JAK1: variants seen among roughly 807,000 people sequenced by gnomAD.
JAK1 encodes the protein tyrosine-protein kinase JAK1.
Under a neutral mutation model 136.6 loss-of-function variants are expected in JAK1, and 16 were observed. The observed-to-expected ratio is 0.12, with a 90% CI of 0.08 to 0.18. The LOEUF (loss-of-function observed/expected upper bound fraction) is 0.18. Among genes scored for constraint, JAK1 ranks in the 10% least tolerant of loss-of-function variants. The probability of loss-of-function intolerance (pLI) is 1.00; values close to 1 mark genes in which losing one functional copy is unlikely to be tolerated. For synonymous variants in JAK1, 492 were observed against 519.5 expected (o/e 0.95, Z 0.72); for missense variants, 859 against 1,450.1 (o/e 0.59, Z 6.62).
intron 1 of JAK1, among the ~76,000 whole-genome samples, chr1:64,922,597 C>T (rs1391784799): frequency 7.2e-5 from 11 of 152,096 alleles, no homozygotes; most frequent in Admixed American, 7.2e-4. Flanking sequence ...TTGTTGAATG[C>T]TTTAAGGTGC....
intron 5 of JAK1, among the ~76,000 whole-genome samples, chr1:64,873,060 C>T (rs1186519678): frequency 1.3e-5 from 2 of 152,096 alleles, no homozygotes; most frequent in African/African-American, 4.8e-5. Flanking sequence ...AGCAGAGCTT[C>T]CCTCTGACCT....
intron 10 of JAK1, among the ~76,000 whole-genome samples, chr1:64,856,699 G>C (rs1655959939): frequency 6.6e-6 from 1 of 152,170 alleles, no homozygotes; most frequent in African/African-American, 2.4e-5. Context: ...CAGGCTCTGA[G>C]CCACGGAGCC....
At chr1:64,983,034 C>G (rs542020197) in intron 2 of JAK1, among the ~76,000 whole-genome samples, 1 of 152,172 alleles carries the variant, frequency 6.6e-6, no homozygotes, top group Admixed American at 6.5e-5. Flanking sequence ...ACAGTGAGAA[C>G]TGAGAACCAA....
In JAK1 at chr1:64,845,561, T is replaced by C. The variant is rs374267130; in HGVS notation, c.2067A>G (p.Pro689=). 41 of 1,614,050 alleles carry C rather than the reference T, an allele frequency of 2.5e-5. No individual in the cohort carries two copies. Among genetic ancestry groups the C allele is most frequent in the African/African-American group, 2.0e-4 (15 of 74,916 alleles). ...MHRKSDVLTT[P]WKFKVAKQLA... is the part of the protein sequence containing the mutation. ...GCTGTTTGGCAACTTTGAATTTCCA[T>C]GGTGTGGTAAGGACATCGCTTTTCC... The change falls in exon 15 of 25, where the codon CCA becomes CCG. Residue 689 remains proline, a synonymous_variant. Transcript: ENST00000342505.
At chr1:64,982,729 G>GT (rs1646560042) in intron 2 of JAK1, among the ~76,000 whole-genome samples, 1 of 151,792 alleles carries the variant, frequency 6.6e-6, no homozygotes, top group African/African-American at 2.4e-5. Context: ...TTAAATCTCA[G>GT]TTTTTTAATC....
intron 1 of JAK1, among the ~76,000 whole-genome samples, chr1:64,925,250 T>C (rs913130147): frequency 1.2e-4 from 16 of 131,358 alleles, no homozygotes; most frequent in African/African-American, 4.2e-4. Context: ...AAAAAAAAAA[T>C]ACAAAAAGTT....
At chr1:64,993,057 T>C (rs1344575537) in intron 2 of JAK1, 2 of 152,242 alleles carry the variant, frequency 1.3e-5, no homozygotes, top group Non-Finnish European at 1.5e-5. Flanking sequence ...AAAGGTATTA[T>C]TGGTGGACCA....
rs574747659 is a variant in JAK1, at chr1:64,904,339, GTAC to G, written c.-77-18001_-77-17999del. ...CCCAAATTATGTTTTCTGGAATCTT[GTAC>G]TTCTGTGCAATGATAGTAACTGTTC... On this transcript the variant is annotated intron_variant, in intron 1 of 24. Coordinates refer to ENST00000342505, the MANE Select transcript of JAK1 (RefSeq NM_002227.4). Among the ~76,000 whole-genome samples, 24 of 152,240 alleles carry G rather than the reference GTAC, an allele frequency of 1.6e-4. No homozygotes were observed. In the South Asian group the frequency reaches 2.9e-3, roughly 18 times the overall value.
In JAK1 at chr1:64,846,557, G is replaced by A. The variant is rs556004728; in HGVS notation, c.1987+92C>T. The A allele has an allele frequency of 2.7e-4, 241 of 881,020 alleles. No homozygotes were observed. In the African/African-American group the frequency reaches 3.7e-3, roughly 14 times the overall value. 54.6% of individuals were successfully genotyped at this position (881,020 alleles called of 1,614,324 possible). On this transcript the variant is annotated intron_variant, in intron 14 of 24. Transcript: ENST00000342505. ...GCAAAAAGAAAGGCAAGAAGCCTGG[G>A]CAACGTGAGGGTGGGAAGAGCCTCC... is the stretch of plus-strand genomic sequence containing the variant.
At chr1:64,894,480 G>A (rs1049659618) in intron 1 of JAK1, among the ~76,000 whole-genome samples, 8 of 152,084 alleles carry the variant, frequency 5.3e-5, no homozygotes, top group African/African-American at 1.7e-4. Flanking sequence ...AAAACGAGGC[G>A]GGGCACAATG....
intron 1 of JAK1, among the ~76,000 whole-genome samples, chr1:64,918,196 T>A (rs1645432491): frequency 6.6e-6 from 1 of 152,204 alleles, no homozygotes. Context: ...ATGTTCTCTT[T>A]CTTAACCTGA....
At position 65,026,539 on chromosome 1, in the gene JAK1, AAAG is replaced by A. The variant is rs1646979173; in HGVS notation, c.-78+17938_-78+17940del. On this transcript the variant is annotated intron_variant, in intron 2 of 25. Coordinates refer to the JAK1 transcript ENST00000671954. ...TAATCCCTTCCTCCTCTAGAACAGGAAAGAAGGAAGGAAGGGTTTGGAACTGTT... is the reference window on the plus strand; with the variant it reads ...TAATCCCTTCCTCCTCTAGAACAGGAAAGGAAGGAAGGGTTTGGAACTGTT... Among the ~76,000 whole-genome samples the A allele has an allele frequency of 2.0e-5, 3 of 152,204 alleles. No homozygotes were observed. The South Asian group carries it at 6.2e-4, about 31-fold the overall frequency.
chr1:64,904,782 A>G (rs955819814), intron 1 of JAK1, among the ~76,000 whole-genome samples: 8 of 152,116 alleles, frequency 5.3e-5, no homozygotes, highest in Non-Finnish European at 8.8e-5. Context: ...GGATAAACAC[A>G]AGCATGGGAT....
intron 10 of JAK1, among the ~76,000 whole-genome samples, chr1:64,857,365 A>G (rs1381446517): frequency 6.6e-6 from 1 of 152,100 alleles, no homozygotes; most frequent in Non-Finnish European, 1.5e-5. Context: ...GTTGGGTGTG[A>G]ATTGGTTTTC....
chr1:64,992,616 G>T (rs1460591003), intron 2 of JAK1: 1 of 151,832 alleles, frequency 6.6e-6, no homozygotes, highest in African/African-American at 2.4e-5. Context: ...TAGGCCAGGC[G>T]CGGTGGCTCA....
At chr1:65,021,482 A>G (rs961454683) in intron 2 of JAK1, among the ~76,000 whole-genome samples, 1 of 152,072 alleles carries the variant, frequency 6.6e-6, no homozygotes, top group African/African-American at 2.4e-5. Flanking sequence ...GCTTTTGCCT[A>G]TTTTCCAAAG....
chr1:64,949,523 A>T (rs1646045238), intron 1 of JAK1, among the ~76,000 whole-genome samples: 2 of 152,254 alleles, frequency 1.3e-5, no homozygotes, highest in Non-Finnish European at 2.9e-5. Flanking sequence ...GCACTTACAG[A>T]ATATCATTTC....
chr1:64,844,024 A>G lies in JAK1; in HGVS notation c.2403+40T>C, dbSNP rs1488347715. On this transcript the variant is annotated intron_variant, in intron 17 of 24. Coordinates refer to ENST00000342505, the MANE Select transcript of JAK1 (RefSeq NM_002227.4). This position sits in a 1 kb window ranked among gnomAD's most constrained non-coding sequence, Gnocchi z 5.7. ...CCTGGGAAGCCCACGAGCACCTGAA[A>G]GCCCTCACTTGCCTCACGCCCCGGG... 1.9e-6 allele frequency: 3 copies of G among 1,610,382 alleles called. No homozygotes were observed. The highest frequency in any genetic ancestry group is 2.5e-6 in the Non-Finnish European group (3 of 1,178,258).
At chr1:64,930,857 A>G (rs562294178) in intron 1 of JAK1, among the ~76,000 whole-genome samples, 1 of 152,316 alleles carries the variant, frequency 6.6e-6, no homozygotes, top group African/African-American at 2.4e-5. Context: ...AGGGACATGG[A>G]TGAAGCTGGA....
Sources: gnomAD v4.1 joint callset for allele counts (sites outside exome capture counted in the v4.1 genomes callset) on GRCh38, gnomAD v4.1.1 for gene constraint, Gnocchi (gnomAD v3.1) non-coding constraint, MANE v1.5 for transcripts, NCBI Gene and HGNC (gene_info 2026-07-23, HGNC 2026-07-21) for gene names.